Variants in REV3L observed in about 807,000 individuals in gnomAD.
REV3L encodes REV3 like, DNA directed polymerase zeta catalytic subunit.
In REV3L, 69 loss-of-function variants were observed where a neutral mutation model predicts 299.4. The ratio of observed to expected loss-of-function variants is 0.23; its 90% CI spans 0.19 to 0.28. The LOEUF (loss-of-function observed/expected upper bound fraction) is 0.28. REV3L is among the 10% of genes least tolerant of loss of function. The pLI is 1.00. For synonymous variants in REV3L, 1,238 were observed against 1,271.4 expected (o/e 0.97, Z 0.56); for missense variants, 3,128 against 3,693.8 (o/e 0.85, Z 3.97).
intron 1 of REV3L, among the ~76,000 whole-genome samples, chr6:111,424,681 C>T (rs1017861418): frequency 6.6e-6 from 1 of 152,212 alleles, no homozygotes; most frequent in Non-Finnish European, 1.5e-5. Context: ...GCCCTACCCT[C>T]AGAAAACTGC....
chr6:111,402,234 G>T (rs761712226), intron 4 of REV3L, among the ~76,000 whole-genome samples: 1 of 152,114 alleles, frequency 6.6e-6, no homozygotes, highest in Non-Finnish European at 1.5e-5. Context: ...CTGGATTTGG[G>T]AATCTCTTTT....
At chr6:111,427,206 T>C (rs1281220940) in intron 1 of REV3L, among the ~76,000 whole-genome samples, 1 of 152,210 alleles carries the variant, frequency 6.6e-6, no homozygotes, top group Admixed American at 6.5e-5. Context: ...ATTAACATTA[T>C]ATGCAAGTCT....
intron 18 of REV3L, chr6:111,356,570 T>A (rs753341881): frequency 6.6e-6 from 1 of 152,194 alleles, no homozygotes; most frequent in Non-Finnish European, 1.5e-5. Context: ...TTTGAAAATA[T>A]TGGCTTGTTT....
intron 1 of REV3L, among the ~76,000 whole-genome samples, chr6:111,449,943 G>A (rs956301268): frequency 1.3e-5 from 2 of 152,082 alleles, no homozygotes; most frequent in African/African-American, 4.8e-5. Flanking sequence ...AATAGTTATT[G>A]CAACTGTAAA....
chr6:111,330,147 AC>A, intron 24 of REV3L: 1 of 361,430 alleles, frequency 2.8e-6, no homozygotes, highest in Non-Finnish European at 5.6e-6. Flanking sequence ...CATCCTAATG[AC>A]CCCACACAGA....
rs763574367 is a variant in REV3L at position 111,367,584 on chromosome 6, C to T, written c.6204G>A (p.Glu2068=). 1.3e-5 allele frequency: 21 copies of T among 1,613,988 alleles called. No individual in the cohort carries two copies. In the Admixed American group the frequency reaches 2.7e-4, roughly 20 times the overall value. Residue 2068 remains glutamate (E), a synonymous_variant, in exon 14 of 32, where the codon GAG becomes GAA. Transcript: ENST00000368802. The part of the protein sequence containing the change: ...CILPTTAHTK[E]DVDNSQIALQ... ...AAGCAATCTGAGAATTATCAACATCCTCCTTGGTATGTGCTGTAGTGGGGA... is the reference window on the plus strand; with the variant it reads ...AAGCAATCTGAGAATTATCAACATCTTCCTTGGTATGTGCTGTAGTGGGGA...
intron 1 of REV3L, chr6:111,431,167 T>C: frequency 6.4e-7 from 1 of 1,561,154 alleles, no homozygotes; most frequent in Admixed American, 1.7e-5. Flanking sequence ...CCATGAGTTT[T>C]TGGCCACGTG....
At chr6:111,327,016 C>T (rs1246523889) in intron 25 of REV3L, among the ~76,000 whole-genome samples, 1 of 152,078 alleles carries the variant, frequency 6.6e-6, no homozygotes, top group East Asian at 1.9e-4. Context: ...GCTGAGAAGA[C>T]CAGGGTCAAG....
At chr6:111,365,205 T>C in intron 15 of REV3L, 60 bp downstream of exon 15, 6 of 1,089,516 alleles carry the variant, frequency 5.5e-6, no homozygotes, top group Non-Finnish European at 7.8e-6. Flanking sequence ...ATTATCTAAC[T>C]GAAATCTAGG....
chr6:111,431,198 T>C (rs537850307), intron 1 of REV3L: 167 of 1,566,540 alleles, frequency 1.1e-4, no homozygotes, highest in South Asian at 3.9e-4. Flanking sequence ...CCATCTGTGA[T>C]GGCAGATAGT....
intron 1 of REV3L, among the ~76,000 whole-genome samples, chr6:111,465,490 T>C (rs1791340968): frequency 6.6e-6 from 1 of 151,606 alleles, no homozygotes; most frequent in Non-Finnish European, 1.5e-5. Flanking sequence ...TCCCAGCACT[T>C]TGGGAGGCTG....
At chr6:111,392,508 G>T in intron 5 of REV3L, among the ~76,000 whole-genome samples, 1 of 151,796 alleles carries the variant, frequency 6.6e-6, no homozygotes. Flanking sequence ...TAAATTTTAG[G>T]GGTTATTAAA....
chr6:111,477,358 G>C (rs1316319426), intron 1 of REV3L, among the ~76,000 whole-genome samples: 1 of 152,084 alleles, frequency 6.6e-6, no homozygotes, highest in Non-Finnish European at 1.5e-5. Flanking sequence ...CAATCTATTT[G>C]GAAAAACAGA....
At chr6:111,302,775 G>T (rs1400270567) in intron 31 of REV3L, among the ~76,000 whole-genome samples, 1 of 152,104 alleles carries the variant, frequency 6.6e-6, no homozygotes, top group Admixed American at 6.6e-5. Flanking sequence ...GGTGGTGCAT[G>T]CCTGTAATCC....
At chr6:111,348,737 C>G (rs564716468) in intron 20 of REV3L, among the ~76,000 whole-genome samples, 17 of 152,326 alleles carry the variant, frequency 1.1e-4, no homozygotes, top group African/African-American at 3.8e-4. Context: ...GCAACCTCGG[C>G]TGCCTGAGCT....
At chr6:111,465,325 C>T (rs915588981) in intron 1 of REV3L, among the ~76,000 whole-genome samples, 1 of 151,526 alleles carries the variant, frequency 6.6e-6, no homozygotes, top group African/African-American at 2.4e-5. Context: ...AGGTGATCCA[C>T]CTGCCTCAGC....
rs1436529637 is a variant in REV3L, at chr6:111,299,979, A to G, written c.*37T>C. The G allele has an allele frequency of 8.2e-6, 13 of 1,585,950 alleles. 1 individual carries two copies. In the East Asian group the frequency reaches 1.1e-4, roughly 14 times the overall value. On this transcript the variant is annotated 3_prime_UTR_variant, in exon 32 of 32. Coordinates refer to ENST00000368802, the MANE Select transcript of REV3L (RefSeq NM_001372078.1). ...CACAACAGTTTAGTGGTAAGCACTG[A>G]AAAAAATAGCACCTGTAATACTGTG...
At chr6:111,300,386 A>G (rs1184757095) in intron 31 of REV3L, among the ~76,000 whole-genome samples, 1 of 152,220 alleles carries the variant, frequency 6.6e-6, no homozygotes. Flanking sequence ...CTAAGGATTC[A>G]TTTAATTCCT....
At chr6:111,334,694 C>G (rs978698702) in intron 22 of REV3L, among the ~76,000 whole-genome samples, 5 of 152,142 alleles carry the variant, frequency 3.3e-5, no homozygotes, top group African/African-American at 1.2e-4. Flanking sequence ...CAGACTAGCT[C>G]AAACAGTTGT....
Sources: allele counts gnomAD v4.1 joint callset (sites outside exome capture counted in the v4.1 genomes callset), GRCh38; gene constraint gnomAD v4.1.1; transcripts MANE v1.5; gene names NCBI Gene and HGNC (gene_info 2026-07-23, HGNC 2026-07-21).